ASB3: variants seen among roughly 807,000 people sequenced by gnomAD.
ASB3 encodes ankyrin repeat and SOCS box containing 3.
Under a neutral mutation model 54.5 loss-of-function variants are expected in ASB3, and 41 were observed. The ratio of observed to expected loss-of-function variants is 0.75; its 90% CI spans 0.59 to 0.98. The LOEUF (loss-of-function observed/expected upper bound fraction) is 0.98. Among genes scored for constraint, ASB3 ranks in the 50% least tolerant of loss-of-function variants. ASB3 has a pLI of 0.00. For synonymous variants in ASB3, 266 were observed against 221.2 expected, an observed-to-expected ratio of 1.20 and a Z score of -1.80; for missense variants, 733 against 620.0, an observed-to-expected ratio of 1.18 and a Z score of -1.94.
chr2:53,720,296 GC>G (rs1190857636), intron 5 of ASB3, among the ~76,000 whole-genome samples: 1 of 152,052 alleles, frequency 6.6e-6, no homozygotes, highest in Non-Finnish European at 1.5e-5. Context: ...ACCAAGTTGT[GC>G]CCCAACCACT....
chr2:53,758,899 T>C (rs559125756), intron 2 of ASB3, among the ~76,000 whole-genome samples: 161 of 152,334 alleles, frequency 1.1e-3, no homozygotes, highest in Middle Eastern at 0.01. Flanking sequence ...AGAGTGTATG[T>C]ACCTTTTTCC....
At chr2:53,757,287 A>G (rs926719172) in intron 2 of ASB3, among the ~76,000 whole-genome samples, 4 of 152,178 alleles carry the variant, frequency 2.6e-5, no homozygotes, top group African/African-American at 9.7e-5. Flanking sequence ...CTTTCTAACA[A>G]CGTCCAACCC....
chr2:53,743,510 C>T (rs1672050680), intron 3 of ASB3, among the ~76,000 whole-genome samples: 1 of 152,024 alleles, frequency 6.6e-6, no homozygotes, highest in Non-Finnish European at 1.5e-5. Context: ...GAACAAAATG[C>T]AAAATGTTAT....
chr2:53,747,023 T>A (rs1048580101), intron 3 of ASB3, among the ~76,000 whole-genome samples: 4 of 152,112 alleles, frequency 2.6e-5, no homozygotes, highest in Non-Finnish European at 5.9e-5. Flanking sequence ...TTCATTAACA[T>A]AAAAAAGTAC....
In ASB3 at chr2:53,765,472, C is replaced by A; in HGVS notation, c.101G>T (p.Arg34Leu). The A allele has an allele frequency of 6.2e-7, 1 of 1,614,218 alleles. No homozygotes were observed. The highest frequency in any genetic ancestry group is 8.5e-7 in the Non-Finnish European group (1 of 1,180,032). Residue 34 changes from arginine (R) to leucine (L), a missense_variant, in exon 2 of 10, where the codon CGA (arginine) becomes CTA (leucine). Transcript: ENST00000263634. ...CCTGTTATCAGCAACATCGACACTT[C>A]GGCCCTTTTTGAGCAGTTTCCTTAA... ...KVLRKLLKKG[R>L]SVDVADNRGW...
At chr2:53,683,335 A>G (rs548971261) in intron 9 of ASB3, among the ~76,000 whole-genome samples, 4,476 of 152,176 alleles carry the variant, frequency 0.029, 225 homozygotes, top group African/African-American at 0.1. Context: ...ATGACGAATG[A>G]TCTTTTAAAT....
In ASB3 at chr2:53,749,507, T is replaced by C. The variant is rs1490038834; in HGVS notation, c.355+1276A>G. Among the ~76,000 whole-genome samples, 8 of 152,266 alleles carry C rather than the reference T, an allele frequency of 5.3e-5. No individual in the cohort carries two copies. The East Asian group carries it at 5.8e-4, about 11-fold the overall frequency. On this transcript the variant is annotated intron_variant, in intron 3 of 9. Coordinates refer to ENST00000263634, the MANE Select transcript of ASB3 (RefSeq NM_016115.5). ...TACAAAACCTGTCTGCAAATGTTTATAGGAGATTTAGTCGTAACCACTAAA... is the reference window on the plus strand; with the variant it reads ...TACAAAACCTGTCTGCAAATGTTTACAGGAGATTTAGTCGTAACCACTAAA...
rs1000571751 is a variant in ASB3 at position 53,765,362 on chromosome 2, T to C, written c.196+15A>G. On this transcript the variant is annotated intron_variant, in intron 2 of 9. Transcript: ENST00000263634. ...AGCTTGTAGGCAAAGCCTCCATACC[T>C]TGAATTTACTTTACCTGCATTAATT... is the stretch of plus-strand genomic sequence containing the variant. 6 of 1,613,974 alleles carry C rather than the reference T, an allele frequency of 3.7e-6. No homozygotes were observed. The highest frequency in any genetic ancestry group is 5.1e-6 in the Non-Finnish European group (6 of 1,179,990).
chr2:53,747,779 G>T (rs771589325), intron 3 of ASB3, among the ~76,000 whole-genome samples: 2 of 152,126 alleles, frequency 1.3e-5, no homozygotes, highest in Non-Finnish European at 2.9e-5. Context: ...ATAATTAACT[G>T]GAGTCAGTGA....
intron 7 of ASB3, among the ~76,000 whole-genome samples, chr2:53,713,761 A>G (rs1442815203): frequency 6.6e-6 from 1 of 151,966 alleles, no homozygotes; most frequent in Non-Finnish European, 1.5e-5. Context: ...AAAAATAAAA[A>G]CATTAGCTGG....
intron 1 of ASB3, chr2:53,774,785 A>C (rs930337193): frequency 3.3e-6 from 1 of 304,282 alleles, no homozygotes; most frequent in Non-Finnish European, 6.0e-6. Context: ...ACAGTGAAGG[A>C]CTCAGTTCAG....
intron 9 of ASB3, among the ~76,000 whole-genome samples, chr2:53,674,410 T>C (rs1014234554): frequency 6.6e-6 from 1 of 152,246 alleles, no homozygotes; most frequent in Non-Finnish European, 1.5e-5. Context: ...TTTTGTTATA[T>C]GTACTGGCAG....
intron 1 of ASB3, among the ~76,000 whole-genome samples, chr2:53,785,433 TAA>T (rs66716085): frequency 7.5e-4 from 111 of 148,050 alleles, no homozygotes; most frequent in African/African-American, 2.5e-3. Flanking sequence ...GAATAAATGC[TAA>T]AAAAAAAAAA....
intron 7 of ASB3, among the ~76,000 whole-genome samples, chr2:53,710,795 A>T (rs920789630): frequency 6.6e-6 from 1 of 152,192 alleles, no homozygotes; most frequent in African/African-American, 2.4e-5. Context: ...CTCAGGGTCT[A>T]GCCTGAGACT....
At chr2:53,683,289 C>A (rs1280920391) in intron 9 of ASB3, among the ~76,000 whole-genome samples, 1 of 152,176 alleles carries the variant, frequency 6.6e-6, no homozygotes. Context: ...ATATGTTGAA[C>A]CACGCTTGCA....
At chr2:53,743,295 G>A (rs1672038414) in intron 3 of ASB3, among the ~76,000 whole-genome samples, 1 of 151,366 alleles carries the variant, frequency 6.6e-6, no homozygotes, top group South Asian at 2.1e-4. Context: ...GTGAGCAACA[G>A]CGCCCAGCCA....
intron 9 of ASB3, among the ~76,000 whole-genome samples, chr2:53,675,709 C>A (rs1291008368): frequency 6.6e-6 from 1 of 152,072 alleles, no homozygotes; most frequent in Non-Finnish European, 1.5e-5. Flanking sequence ...TGCATTTTTA[C>A]TAAATGGAGT....
chr2:53,731,699 C>G (rs942607039), intron 3 of ASB3, among the ~76,000 whole-genome samples: 15 of 152,204 alleles, frequency 9.9e-5, no homozygotes, highest in African/African-American at 3.6e-4. Context: ...GTCGCCCAGG[C>G]TGGAATGCAA....
chr2:53,728,815 T>C lies in ASB3; in HGVS notation c.501A>G (p.Arg167=), dbSNP rs202092471. The change falls in exon 5 of 10, where the codon AGA becomes AGG. Residue 167 remains arginine, a synonymous_variant. Coordinates refer to ENST00000263634, the MANE Select transcript of ASB3 (RefSeq NM_016115.5). ...CCTGGCATTCCTTGTTTGCTCCTTT[T>C]CTAAGAAGCAATTTTATGATCTCAG... ...ENAEIIKLLL[R]KGANKECQDD... 269 of 1,611,736 alleles carry C rather than the reference T, an allele frequency of 1.7e-4. 3 individuals are homozygous for C. The highest frequency in any genetic ancestry group is 4.2e-6 in the Non-Finnish European group (5 of 1,178,806).
Sources: gnomAD v4.1 joint callset for allele counts (sites outside exome capture counted in the v4.1 genomes callset) on GRCh38, gnomAD v4.1.1 for gene constraint, MANE v1.5 for transcripts, NCBI Gene and HGNC (gene_info 2026-07-23, HGNC 2026-07-21) for gene names.